The following CERKL variants were observed in gnomAD, a reference collection of about 807,000 sequenced individuals.
The protein encoded by CERKL is ceramide kinase-like protein.
In CERKL, 61 loss-of-function variants were observed where a neutral mutation model predicts 63.4. The ratio of observed to expected loss-of-function variants is 0.96; its 90% CI spans 0.78 to 1.19. The LOEUF is 1.19. Among genes scored for constraint, CERKL ranks in the 50% most tolerant of loss-of-function variants. The pLI is 0.00. For missense variants in CERKL, 675 were observed against 655.5 expected (o/e 1.03, Z -0.33); for synonymous variants, 250 against 230.5 (o/e 1.08, Z -0.77).
At chr2:181,614,451 T>C (rs1237534157) in intron 1 of CERKL, among the ~76,000 whole-genome samples, 2 of 152,234 alleles carry the variant, frequency 1.3e-5, no homozygotes, top group African/African-American at 2.4e-5. Flanking sequence ...TTCTTATCTA[T>C]ACACCTTTAC....
chr2:181,596,725 A>AGTT (rs1236111860), intron 2 of CERKL, among the ~76,000 whole-genome samples: 1 of 152,188 alleles, frequency 6.6e-6, no homozygotes, highest in Non-Finnish European at 1.5e-5. Context: ...GTTCTACATA[A>AGTT]GTTCATTCAA....
rs553111069 is a variant in CERKL at position 181,654,160 on chromosome 2, TAAAA to T, written c.238+2605_238+2608del. Reference sequence around the variant, plus strand: ...CACACATTTAAAATATTTCTCTACTTAAAAAAAAAAAAAATCCCCAAAAAGCGCT... The same window carrying T: ...CACACATTTAAAATATTTCTCTACTTAAAAAAAAAATCCCCAAAAAGCGCT... On this transcript the variant is annotated intron_variant, in intron 1 of 12. Transcript: ENST00000410087. Among the ~76,000 whole-genome samples, 450 of 143,274 alleles carry T rather than the reference TAAAA, an allele frequency of 3.1e-3. 2 individuals carry two copies. Among genetic ancestry groups the T allele is most frequent in the African/African-American group, 0.01 (407 of 39,202 alleles). 94.0% of individuals were successfully genotyped at this position (143,274 alleles called of 152,430 possible).
chr2:181,626,219 A>C (rs1389924892), intron 1 of CERKL, among the ~76,000 whole-genome samples: 1 of 152,164 alleles, frequency 6.6e-6, no homozygotes, highest in Non-Finnish European at 1.5e-5. Context: ...CTGTTATTTT[A>C]CTTTTTTTGA....
chr2:181,635,096 A>AT (rs1470776007), intron 1 of CERKL, among the ~76,000 whole-genome samples: 1 of 152,142 alleles, frequency 6.6e-6, no homozygotes, highest in Non-Finnish European at 1.5e-5. Flanking sequence ...CAATGCACAT[A>AT]TTTTCCATGC....
intron 2 of CERKL, among the ~76,000 whole-genome samples, chr2:181,575,810 G>C (rs1424093089): frequency 6.6e-6 from 1 of 150,970 alleles, no homozygotes; most frequent in Non-Finnish European, 1.5e-5. Flanking sequence ...CCTTTGTTCA[G>C]ACAGTTTTTC....
intron 1 of CERKL, among the ~76,000 whole-genome samples, chr2:181,648,197 A>G (rs1687747620): frequency 6.6e-6 from 1 of 152,208 alleles, no homozygotes; most frequent in Non-Finnish European, 1.5e-5. Flanking sequence ...TCCCAATTAG[A>G]TTAAACCCAA....
In CERKL at chr2:181,650,765, A is replaced by G. The variant is rs541577044; in HGVS notation, c.238+6004T>C. ...CAAGAGCGAAACTCCATCTCAAAAA[A>G]AAAGAAAGAAAGAAAAAAAAGAACA... On this transcript the variant is annotated intron_variant, in intron 1 of 12. Coordinates refer to ENST00000410087, the MANE Select transcript of CERKL (RefSeq NM_201548.5). Among the ~76,000 whole-genome samples, 105 of 150,006 alleles carry G rather than the reference A, an allele frequency of 7.0e-4. 1 individual carries two copies. In the Middle Eastern group the frequency reaches 0.01, roughly 15 times the overall value.
intron 1 of CERKL, among the ~76,000 whole-genome samples, chr2:181,628,717 G>C (rs761994692): frequency 7.9e-5 from 12 of 152,128 alleles, no homozygotes; most frequent in Non-Finnish European, 4.4e-5. Flanking sequence ...TTTAGAATTA[G>C]ATTTTGTAAT....
At chr2:181,562,587 A>G (rs1330851926) in intron 4 of CERKL, among the ~76,000 whole-genome samples, 1 of 152,222 alleles carries the variant, frequency 6.6e-6, no homozygotes, top group Non-Finnish European at 1.5e-5. Context: ...TCACTCTAAA[A>G]CATAAACCTT....
At chr2:181,623,921 G>A (rs1467884083) in intron 1 of CERKL, among the ~76,000 whole-genome samples, 1 of 152,054 alleles carries the variant, frequency 6.6e-6, no homozygotes, top group Admixed American at 6.6e-5. Flanking sequence ...TGAGTGTTAT[G>A]TAATATATTA....
chr2:181,546,813 T>TATGCAC (rs1163010320), intron 10 of CERKL, among the ~76,000 whole-genome samples: 3 of 152,210 alleles, frequency 2.0e-5, no homozygotes, highest in Non-Finnish European at 4.4e-5. Flanking sequence ...AGGAGATTGA[T>TATGCAC]ATGCACTACT....
intron 5 of CERKL, among the ~76,000 whole-genome samples, chr2:181,556,138 G>A (rs1688193421): frequency 2.0e-5 from 3 of 151,912 alleles, no homozygotes; most frequent in Non-Finnish European, 4.4e-5. Flanking sequence ...TTCAAGTCCA[G>A]TCTCTCTTAC....
chr2:181,557,453 G>A (rs967621260), intron 5 of CERKL, among the ~76,000 whole-genome samples: 3 of 152,058 alleles, frequency 2.0e-5, no homozygotes, highest in Non-Finnish European at 4.4e-5. Context: ...TCAGCTTTCT[G>A]CATATGGCTA....
intron 2 of CERKL, among the ~76,000 whole-genome samples, chr2:181,583,542 C>T (rs769739090): frequency 6.6e-6 from 1 of 152,092 alleles, no homozygotes; most frequent in Non-Finnish European, 1.5e-5. Context: ...ACAAGTTAAA[C>T]GATATCACAA....
rs936648299 is a variant in CERKL at position 181,537,429 on chromosome 2, T to C, written c.*755A>G. On this transcript the variant is annotated 3_prime_UTR_variant, in exon 13 of 13. Transcript: ENST00000410087. Reference sequence around the variant, plus strand: ...AATAGTATTTGTTATCAACTTACTTTGTTACTTGTATCATGAATTTTAAAA... The same window carrying C: ...AATAGTATTTGTTATCAACTTACTTCGTTACTTGTATCATGAATTTTAAAA... The C allele has an allele frequency of 6.6e-6, 3 of 453,838 alleles. No individual in the cohort carries two copies. Among genetic ancestry groups the C allele is most frequent in the African/African-American group, 6.0e-5 (3 of 49,996 alleles). The allele number at this position is 453,838 out of a possible 1,614,324, so 28.1% of individuals were successfully genotyped here. A position where few individuals can be genotyped will look rare whatever the true frequency, so the allele number is the denominator to read the frequency against.
intron 5 of CERKL, among the ~76,000 whole-genome samples, chr2:181,551,236 TAAAC>T (rs1227545402): frequency 6.6e-6 from 1 of 152,146 alleles, no homozygotes; most frequent in Non-Finnish European, 1.5e-5. Flanking sequence ...TCAGAGCTAA[TAAAC>T]AAACTCAGTT....
intron 1 of CERKL, among the ~76,000 whole-genome samples, chr2:181,641,134 C>T (rs1201890335): frequency 1.3e-5 from 2 of 151,872 alleles, no homozygotes; most frequent in Admixed American, 1.3e-4. Flanking sequence ...TTGAATTTGC[C>T]AAATTTCAGT....
chr2:181,572,061 T>C (rs1383819999), intron 3 of CERKL, among the ~76,000 whole-genome samples: 2 of 152,076 alleles, frequency 1.3e-5, no homozygotes, highest in Non-Finnish European at 2.9e-5. Context: ...GCACAAACTC[T>C]CCAGATGTAT....
intron 2 of CERKL, among the ~76,000 whole-genome samples, chr2:181,601,849 T>C: frequency 6.6e-6 from 1 of 152,214 alleles, no homozygotes; most frequent in Admixed American, 6.5e-5. Flanking sequence ...ATCTATTTGC[T>C]TTTAATCAGC....
Sources: gnomAD v4.1 joint callset for allele counts (sites outside exome capture counted in the v4.1 genomes callset) on GRCh38, gnomAD v4.1.1 for gene constraint, MANE v1.5 for transcripts, NCBI Gene and HGNC (gene_info 2026-07-23, HGNC 2026-07-21) for gene names.